The following SNX29 variants were observed in gnomAD, a reference collection of about 807,000 sequenced individuals.
SNX29 encodes sorting nexin 29, also known as sorting nexin-29.
Under a neutral mutation model 102.1 loss-of-function variants are expected in SNX29, and 78 were observed. That is an observed-to-expected ratio of 0.76 (90% CI 0.64 to 0.92). The LOEUF (loss-of-function observed/expected upper bound fraction) is 0.92. Ranked by LOEUF, SNX29 falls within the 40% of genes least tolerant of loss-of-function variation. The probability of loss-of-function intolerance (pLI) is 0.00; values close to 1 mark genes in which losing one functional copy is unlikely to be tolerated. For missense variants in SNX29, 1,280 were observed against 1,061.7 expected, an observed-to-expected ratio of 1.21 and a Z score of -2.86; for synonymous variants, 580 against 414.5, an observed-to-expected ratio of 1.40 and a Z score of -4.85.
chr16:12,560,044 GA>G (rs1449581456), intron 20 of SNX29, among the ~76,000 whole-genome samples: 14 of 151,870 alleles, frequency 9.2e-5, no homozygotes, highest in African/African-American at 3.4e-4. Flanking sequence ...AATACACAAA[GA>G]AAAATGACTA....
intron 15 of SNX29, among the ~76,000 whole-genome samples, chr16:12,323,615 C>T (rs1229975193): frequency 6.6e-6 from 1 of 152,062 alleles, no homozygotes; most frequent in East Asian, 1.9e-4. Flanking sequence ...AAAGCTTTGT[C>T]TGGCATCCAG....
intron 14 of SNX29, among the ~76,000 whole-genome samples, chr16:12,207,725 T>G (rs2077081527): frequency 1.3e-5 from 2 of 152,198 alleles, no homozygotes; most frequent in African/African-American, 4.8e-5. Flanking sequence ...GCTCTTCTCC[T>G]GTCACCTGAA....
chr16:12,319,500 T>A (rs1192165345), intron 15 of SNX29, among the ~76,000 whole-genome samples: 9 of 152,100 alleles, frequency 5.9e-5, no homozygotes, highest in African/African-American at 1.9e-4. Flanking sequence ...AAATTAGGAC[T>A]CCTATCCCAC....
At position 12,569,001 on chromosome 16, in the gene SNX29, G is replaced by A. The variant is rs1315034692; in HGVS notation, c.*372G>A. On this transcript the variant is annotated 3_prime_UTR_variant, in exon 21 of 21. Transcript: ENST00000566228. ...AGAGGCAAAGGTGATCCCCTATATA[G>A]GAAGGTTCATGCAGAGCCAGCCTCT... is the stretch of plus-strand genomic sequence containing the variant. 5 of 287,324 alleles carry A rather than the reference G, an allele frequency of 1.7e-5. No homozygotes were observed. Among genetic ancestry groups the A allele is most frequent in the African/African-American group, 8.5e-5 (4 of 46,800 alleles). The allele number at this position is 287,324 out of a possible 1,614,324, so 17.8% of individuals were successfully genotyped here.
rs182435437 is a variant in SNX29, at chr16:12,416,667, G to A, written c.2037+13138G>A. On this transcript the variant is annotated intron_variant, in intron 18 of 20. Coordinates refer to ENST00000566228, the MANE Select transcript of SNX29 (RefSeq NM_032167.5). ...CAGCATCTGCTCGGCTTCTGGGAAGGCCTTGGAGGCTTTTAGTCATGGTGG... is the reference window on the plus strand; with the variant it reads ...CAGCATCTGCTCGGCTTCTGGGAAGACCTTGGAGGCTTTTAGTCATGGTGG... Among the ~76,000 whole-genome samples, 18 of 152,338 alleles carry A rather than the reference G, an allele frequency of 1.2e-4. No homozygotes were observed. In the East Asian group the frequency reaches 3.3e-3, roughly 28 times the overall value.
rs1567608685 is a variant in SNX29, at chr16:12,481,545, CACACA to C, written c.2178+3687_2178+3691del. 6.1e-4 allele frequency among the ~76,000 whole-genome samples: 80 copies of C among 132,004 alleles called. No individual in the cohort carries two copies. The East Asian group carries it at 0.016, about 27-fold the overall frequency. The allele number at this position is 132,004 out of a possible 152,430, so 86.6% of individuals were successfully genotyped here. A position where few individuals can be genotyped will look rare whatever the true frequency, so the allele number is the denominator to read the frequency against. On this transcript the variant is annotated intron_variant, in intron 19 of 20. Coordinates refer to ENST00000566228, the MANE Select transcript of SNX29 (RefSeq NM_032167.5). ...ACACACACACACACACACACACACA[CACACA>C]CACACCCCAAATGTCACCCTGTCGC...
At chr16:12,490,452 A>G (rs537519087) in intron 19 of SNX29, among the ~76,000 whole-genome samples, 14 of 152,378 alleles carry the variant, frequency 9.2e-5, no homozygotes, top group Admixed American at 8.5e-4. Context: ...TTTACTATTA[A>G]TGAATAGTTC....
chr16:12,413,754 G>A (rs2084505494), intron 18 of SNX29, among the ~76,000 whole-genome samples: 1 of 152,294 alleles, frequency 6.6e-6, no homozygotes, highest in East Asian at 1.9e-4. Flanking sequence ...GCCCTGCCCC[G>A]CACTTCCTGC....
chr16:12,555,334 C>T (rs546967190), intron 20 of SNX29, among the ~76,000 whole-genome samples: 5 of 151,906 alleles, frequency 3.3e-5, no homozygotes, highest in African/African-American at 4.8e-5. Context: ...TTTCTTGGCA[C>T]CTGAGAAACA....
intron 13 of SNX29, among the ~76,000 whole-genome samples, chr16:12,149,644 T>G (rs947869097): frequency 1.3e-5 from 2 of 152,200 alleles, no homozygotes; most frequent in Non-Finnish European, 1.5e-5. Flanking sequence ...ACTGTACCTC[T>G]GTGAGCCTCC....
In SNX29 at chr16:12,524,727, G is replaced by A. The variant is rs1403904151; in HGVS notation, c.2204G>A (p.Arg735Lys). Reference sequence around the variant, plus strand: ...GATGCCAAGTTTGTGGAGGAACGGAGAAAGCAGCTCCAGAATTACCTGCGC... The same window carrying A: ...GATGCCAAGTTTGTGGAGGAACGGAAAAAGCAGCTCCAGAATTACCTGCGC... ...NKDAKFVEERRKQLQNYLRSV... is the reference protein window; with the variant it reads ...NKDAKFVEERKKQLQNYLRSV... The change falls in exon 20 of 21, where the codon AGA (arginine) becomes AAA (lysine). Residue 735 changes from arginine to lysine, a missense_variant. Coordinates refer to ENST00000566228, the MANE Select transcript of SNX29 (RefSeq NM_032167.5). 2 of 1,613,436 alleles carry A rather than the reference G, an allele frequency of 1.2e-6. No individual in the cohort carries two copies. Among genetic ancestry groups the A allele is most frequent in the Non-Finnish European group, 1.7e-6 (2 of 1,179,754 alleles).
chr16:12,075,614 G>A (rs560501411), intron 10 of SNX29, among the ~76,000 whole-genome samples: 1 of 152,360 alleles, frequency 6.6e-6, no homozygotes, highest in South Asian at 2.1e-4. Context: ...GGGGTCAGGG[G>A]TCAGGGACCC....
At chr16:12,227,383 A>T (rs1182070246) in intron 14 of SNX29, among the ~76,000 whole-genome samples, 1 of 152,198 alleles carries the variant, frequency 6.6e-6, no homozygotes, top group Non-Finnish European at 1.5e-5. Context: ...AAGATGGATG[A>T]TACACACTTG....
At chr16:12,125,153 G>A (rs116316763) in intron 11 of SNX29, among the ~76,000 whole-genome samples, 1 of 152,080 alleles carries the variant, frequency 6.6e-6, no homozygotes. Context: ...CAGCTTTACT[G>A]CCCAAAAAGA....
intron 14 of SNX29, among the ~76,000 whole-genome samples, chr16:12,242,368 T>TATATATATA (rs1491230065): frequency 3.4e-4 from 40 of 117,100 alleles, no homozygotes; most frequent in African/African-American, 1.3e-3. Context: ...TATATATATA[T>TATATATATA]TTTTTTTTTT....
intron 10 of SNX29, among the ~76,000 whole-genome samples, chr16:12,073,284 TTCCTGCTTTC>T (rs2051383998): frequency 6.6e-6 from 1 of 152,266 alleles, no homozygotes; most frequent in Admixed American, 6.5e-5. Context: ...TTTTGGATCT[TTCCTGCTTTC>T]TCTTGTGGGC....
At chr16:12,352,417 A>G (rs904583337) in intron 15 of SNX29, among the ~76,000 whole-genome samples, 1 of 152,156 alleles carries the variant, frequency 6.6e-6, no homozygotes, top group East Asian at 1.9e-4. Flanking sequence ...CCTAATGCTA[A>G]ATGATGAGTT....
At chr16:12,557,318 C>G (rs989376293) in intron 20 of SNX29, 1 of 152,072 alleles carries the variant, frequency 6.6e-6, no homozygotes, top group Non-Finnish European at 1.5e-5. Context: ...GGCAAAGTCA[C>G]CTTCAGAGAG....
chr16:12,320,338 C>T (rs985433224), intron 15 of SNX29, among the ~76,000 whole-genome samples: 1 of 152,058 alleles, frequency 6.6e-6, no homozygotes, highest in Non-Finnish European at 1.5e-5. Flanking sequence ...GGAGAGTCAC[C>T]GAGAGCCAGA....
Sources: gnomAD v4.1 joint callset for allele counts (sites outside exome capture counted in the v4.1 genomes callset) on GRCh38, gnomAD v4.1.1 for gene constraint, MANE v1.5 for transcripts, NCBI Gene and HGNC (gene_info 2026-07-23, HGNC 2026-07-21) for gene names.